Variants in TNFRSF1A observed in about 807,000 individuals in gnomAD.
The protein encoded by TNFRSF1A is tumor necrosis factor receptor superfamily member 1A.
TNFRSF1A carries 9 observed loss-of-function variants against 41.6 expected under a neutral mutation model. The observed-to-expected ratio is 0.22, with a 90% confidence interval of 0.13 to 0.38. The LOEUF (loss-of-function observed/expected upper bound fraction) is 0.38. TNFRSF1A is among the 10% of genes least tolerant of loss of function. TNFRSF1A has a pLI of 1.00. For synonymous variants in TNFRSF1A, 254 were observed against 248.6 expected (o/e 1.02, Z -0.21); for missense variants, 463 against 591.5 (o/e 0.78, Z 2.25).
At position 6,341,829 on chromosome 12, in the gene TNFRSF1A, G is replaced by A; in HGVS notation, c.-15C>T. The stretch of plus-strand genomic sequence containing the variant: ...GAGAGGCCCATGCCAGACAGCTATG[G>A]CCTCTCACTCCCCCATTTGGGCTCA... On this transcript the variant is annotated 5_prime_UTR_variant, in exon 1 of 10. Transcript: ENST00000162749. This position sits in a 1 kb window ranked among gnomAD's most constrained non-coding sequence, Gnocchi z 4.6. 1.2e-6 allele frequency: 2 copies of A among 1,614,118 alleles called. 1 individual carries two copies. Among genetic ancestry groups the A allele is most frequent in the South Asian group, 2.2e-5 (2 of 91,086 alleles).
At chr12:6,331,341 A>G (rs927861416) in intron 5 of TNFRSF1A, 5 of 304,916 alleles carry the variant, frequency 1.6e-5, no homozygotes, top group Admixed American at 9.2e-5. Context: ...GCTAGCTGTT[A>G]TGGGATTGTT....
Position 6,334,510 on chromosome 12 carries a change from ATTT to A in TNFRSF1A, c.40-269_40-267del. 7.0e-6 allele frequency among the ~76,000 whole-genome samples: 1 copy of A among 143,304 alleles called. No individual in the cohort carries two copies. The highest frequency in any genetic ancestry group is 2.6e-5 in the African/African-American group (1 of 39,144). 94.0% of individuals were successfully genotyped at this position (143,304 alleles called of 152,430 possible). On this transcript the variant is annotated intron_variant, in intron 1 of 9. Transcript: ENST00000162749. The surrounding 1 kb of genome is among the most constrained non-coding windows in gnomAD (Gnocchi z 5.1). ...CTAGTAGGCCCCAGATCTAAGCTGT[ATTT>A]TTTTTTTTTTAGGCAGGATCTTGCT... is the stretch of plus-strand genomic sequence containing the variant.
rs1246512040 is a variant in TNFRSF1A at position 6,333,788 on chromosome 12, C to T, written c.271G>A (p.Ala91Thr). The T allele has an allele frequency of 6.3e-7, 1 of 1,581,564 alleles. No individual in the cohort carries two copies. The highest frequency in any genetic ancestry group is 1.1e-5 in the South Asian group (1 of 87,264). ...CRECESGSFT[A>T]SENHLRHCLS... is the part of the protein sequence containing the mutation. ...CAGTGTCTGAGGTGGTTTTCTGAAG[C>T]GGTGAAGGAGCCGCTCTCACACTCC... Residue 91 changes from alanine (A) to threonine (T), a missense_variant, in exon 3 of 10, where the codon GCT becomes ACT. Around this residue, in one of 4 missense-constraint regions of TNFRSF1A, gnomAD observed 149 missense variants for 239.4 expected, o/e 0.62. Coordinates refer to ENST00000162749, the MANE Select transcript of TNFRSF1A (RefSeq NM_001065.4). The surrounding 1 kb of genome is among the most constrained non-coding windows in gnomAD (Gnocchi z 6.3).
At chr12:6,339,337 C>T (rs887689555) in intron 1 of TNFRSF1A, among the ~76,000 whole-genome samples, 2 of 152,192 alleles carry the variant, frequency 1.3e-5, no homozygotes, top group African/African-American at 4.8e-5. Flanking sequence ...TCCTTAATTC[C>T]TTCAGCAAAT....
rs921681825 is a variant in TNFRSF1A at position 6,341,664 on chromosome 12, C to T, written c.39+112G>A. The stretch of plus-strand genomic sequence containing the variant: ...TTAGGACCTGCAGGCCTGAGGCTGG[C>T]GCCAGGACCAGGCCCGGGCAGGAGA... On this transcript the variant is annotated intron_variant, in intron 1 of 9. Coordinates refer to ENST00000162749, the MANE Select transcript of TNFRSF1A (RefSeq NM_001065.4). This position sits in a 1 kb window ranked among gnomAD's most constrained non-coding sequence, Gnocchi z 4.6. 13 of 1,283,526 alleles carry T rather than the reference C, an allele frequency of 1.0e-5. No homozygotes were observed. Among genetic ancestry groups the T allele is most frequent in the East Asian group, 4.8e-5 (2 of 41,334 alleles). The allele number at this position is 1,283,526 out of a possible 1,614,324, so 79.5% of individuals were successfully genotyped here. A position where few individuals can be genotyped will look rare whatever the true frequency, so the allele number is the denominator to read the frequency against.
At position 6,333,670 on chromosome 12, in the gene TNFRSF1A, C is replaced by G. The variant is rs1319663079; in HGVS notation, c.322+67G>C. 3.2e-6 allele frequency: 5 copies of G among 1,561,818 alleles called. No individual in the cohort carries two copies. The highest frequency in any genetic ancestry group is 4.3e-6 in the Non-Finnish European group (5 of 1,152,448). ...CACCTTCCTGCCCACACCCACCAGC[C>G]TGCACATAGACAGGCACCCACACAC... On this transcript the variant is annotated intron_variant, in intron 3 of 9. Transcript: ENST00000162749. The surrounding 1 kb of genome is among the most constrained non-coding windows in gnomAD (Gnocchi z 6.3).
rs1948141017 is a variant in TNFRSF1A, at chr12:6,337,897, C to T, written c.40-3653G>A. On this transcript the variant is annotated intron_variant, in intron 1 of 9. Transcript: ENST00000162749. This position sits in a 1 kb window ranked among gnomAD's most constrained non-coding sequence, Gnocchi z 4.6. ...CTGATCGATCTAATGATACATCTGTCTTCCACTCTAGTAGAAGCCAGTGAT... is the reference window on the plus strand; with the variant it reads ...CTGATCGATCTAATGATACATCTGTTTTCCACTCTAGTAGAAGCCAGTGAT... Among the ~76,000 whole-genome samples, 1 of 152,140 alleles carries T rather than the reference C, an allele frequency of 6.6e-6. No homozygotes were observed. The highest frequency in any genetic ancestry group is 6.5e-5 in the Admixed American group (1 of 15,284).
In TNFRSF1A at chr12:6,341,906, G is replaced by A; in HGVS notation, c.-92C>T. 6.9e-7 allele frequency: 1 copy of A among 1,451,902 alleles called. No individual in the cohort carries two copies. The highest frequency in any genetic ancestry group is 9.6e-7 in the Non-Finnish European group (1 of 1,036,714). The allele number at this position is 1,451,902 out of a possible 1,614,324, so 89.9% of individuals were successfully genotyped here. A position where few individuals can be genotyped will look rare whatever the true frequency, so the allele number is the denominator to read the frequency against. On this transcript the variant is annotated 5_prime_UTR_variant, in exon 1 of 10. Transcript: ENST00000162749. This position sits in a 1 kb window ranked among gnomAD's most constrained non-coding sequence, Gnocchi z 4.6. ...GGCTTCCCGGGACTCGGTCTGTCCA[G>A]GACGTCCCAAGTGCCTTGGGGTGAC...
Position 6,331,009 on chromosome 12 carries a change from C to A in TNFRSF1A, c.552-83G>T. 4 of 1,164,510 alleles carry A rather than the reference C, an allele frequency of 3.4e-6. No homozygotes were observed. The South Asian group carries it at 3.8e-5, about 11-fold the overall frequency. 72.1% of individuals were successfully genotyped at this position (1,164,510 alleles called of 1,614,324 possible). A position where few individuals can be genotyped will look rare whatever the true frequency, so the allele number is the denominator to read the frequency against. On this transcript the variant is annotated intron_variant, in intron 5 of 9. Transcript: ENST00000162749. ...AACAACCACACAGATTGTTGGACAT[C>A]CTTTCTTTACAAATATTTTTGCTGT...
At chr12:6,340,260 A>G (rs917575442) in intron 1 of TNFRSF1A, among the ~76,000 whole-genome samples, 12 of 152,202 alleles carry the variant, frequency 7.9e-5, no homozygotes, top group African/African-American at 2.9e-4. Flanking sequence ...TCAAATGAAC[A>G]CTTAACATGT....
chr12:6,341,710 A>T lies in TNFRSF1A; in HGVS notation c.39+66T>A. 6.3e-7 allele frequency: 1 copy of T among 1,576,062 alleles called. No homozygotes were observed. The highest frequency in any genetic ancestry group is 8.7e-7 in the Non-Finnish European group (1 of 1,151,136). On this transcript the variant is annotated intron_variant, in intron 1 of 9. Coordinates refer to ENST00000162749, the MANE Select transcript of TNFRSF1A (RefSeq NM_001065.4). The surrounding 1 kb of genome is among the most constrained non-coding windows in gnomAD (Gnocchi z 4.6). ...GGAGAGGCTCGGCCCCCTCCCGGAG[A>T]GGGCCCACGCCAGCCGGAAGGTGCC...
In TNFRSF1A at chr12:6,332,000, CAAAAA is replaced by C. The variant is rs750532640; in HGVS notation, c.551+1064_551+1068del. 391 of 78,570 alleles carry C rather than the reference CAAAAA, an allele frequency of 5.0e-3. No homozygotes were observed. The highest frequency in any genetic ancestry group is 8.7e-3 in the South Asian group (79 of 9,064). 4.9% of individuals were successfully genotyped at this position (78,570 alleles called of 1,614,324 possible). A position where few individuals can be genotyped will look rare whatever the true frequency, so the allele number is the denominator to read the frequency against. ...TGGGCGACAGAGCAGGACTCTGTGT[CAAAAA>C]AAAAAAAAAAAAAAAAAAAGAAGAT... On this transcript the variant is annotated intron_variant, in intron 5 of 9. Transcript: ENST00000162749.
intron 5 of TNFRSF1A, chr12:6,332,020 A>G: frequency 3.3e-6 from 1 of 301,728 alleles, no homozygotes; most frequent in Non-Finnish European, 6.4e-6. Flanking sequence ...AAAAAAAAAA[A>G]AAAAGAAGAT....
In TNFRSF1A at chr12:6,341,665, G is replaced by A. The variant is rs935773640; in HGVS notation, c.39+111C>T. 18 of 1,311,166 alleles carry A rather than the reference G, an allele frequency of 1.4e-5. No individual in the cohort carries two copies. The highest frequency in any genetic ancestry group is 2.9e-5 in the African/African-American group (2 of 69,040). 81.2% of individuals were successfully genotyped at this position (1,311,166 alleles called of 1,614,324 possible). On this transcript the variant is annotated intron_variant, in intron 1 of 9. Transcript: ENST00000162749. The surrounding 1 kb of genome is among the most constrained non-coding windows in gnomAD (Gnocchi z 4.6). ...TAGGACCTGCAGGCCTGAGGCTGGC[G>A]CCAGGACCAGGCCCGGGCAGGAGAG...
At position 6,337,091 on chromosome 12, in the gene TNFRSF1A, G is replaced by A. The variant is rs144715781; in HGVS notation, c.40-2847C>T. 1.4e-3 allele frequency among the ~76,000 whole-genome samples: 212 copies of A among 152,292 alleles called. 1 individual carries two copies. The highest frequency in any genetic ancestry group is 5.0e-3 in the African/African-American group (206 of 41,560). On this transcript the variant is annotated intron_variant, in intron 1 of 9. Transcript: ENST00000162749. This position sits in a 1 kb window ranked among gnomAD's most constrained non-coding sequence, Gnocchi z 4.6. ...TGGAAGAACCAGCCCTGCTTCCTAG[G>A]CTTCCCCTGGCCCCCAGAATGCTCC...
In TNFRSF1A at chr12:6,333,331, G is replaced by T. The variant is rs1233348186; in HGVS notation, c.472+36C>A. ...TGGGGAAGGGGCCAACCCCTGGGGTGGGGAGAGGGCTTGGCCTCAGGAGAG... is the reference window on the plus strand; with the variant it reads ...TGGGGAAGGGGCCAACCCCTGGGGTTGGGAGAGGGCTTGGCCTCAGGAGAG... On this transcript the variant is annotated intron_variant, in intron 4 of 9. Coordinates refer to ENST00000162749, the MANE Select transcript of TNFRSF1A (RefSeq NM_001065.4). The surrounding 1 kb of genome is among the most constrained non-coding windows in gnomAD (Gnocchi z 6.3). 1 of 1,607,928 alleles carries T rather than the reference G, an allele frequency of 6.2e-7. No homozygotes were observed. Among genetic ancestry groups the T allele is most frequent in the Non-Finnish European group, 8.5e-7 (1 of 1,177,142 alleles).
chr12:6,335,765 C>T lies in TNFRSF1A; in HGVS notation c.40-1521G>A, dbSNP rs1948112419. Among the ~76,000 whole-genome samples, 3 of 152,200 alleles carry T rather than the reference C, an allele frequency of 2.0e-5. No homozygotes were observed. In the South Asian group the frequency reaches 6.2e-4, roughly 32 times the overall value. ...CACAGCCACCCAGCCTCACCAACTC[C>T]ACATTTCGGAGCAGGAGGCCAGTCA... On this transcript the variant is annotated intron_variant, in intron 1 of 9. Coordinates refer to ENST00000162749, the MANE Select transcript of TNFRSF1A (RefSeq NM_001065.4).
intron 5 of TNFRSF1A, among the ~76,000 whole-genome samples, chr12:6,332,709 G>A (rs1344128349): frequency 6.6e-6 from 1 of 152,126 alleles, no homozygotes; most frequent in Non-Finnish European, 1.5e-5. Context: ...CTACCCAGAC[G>A]CAAACAGAGC....
rs1478259044 is a variant in TNFRSF1A at position 6,337,125 on chromosome 12, CCTCTCTGA to C, written c.40-2889_40-2882del. ...GGCCCCCAGAATGCTCCAGGTCAGC[CCTCTCTGA>C]TCCCTAGGAGCCAGGGCCCTCAGAC... On this transcript the variant is annotated intron_variant, in intron 1 of 9. Transcript: ENST00000162749. The surrounding 1 kb of genome is among the most constrained non-coding windows in gnomAD (Gnocchi z 4.6). Among the ~76,000 whole-genome samples the C allele has an allele frequency of 6.6e-6, 1 of 152,222 alleles. No individual in the cohort carries two copies. Among genetic ancestry groups the C allele is most frequent in the Non-Finnish European group, 1.5e-5 (1 of 68,036 alleles).
Sources: allele counts gnomAD v4.1 joint callset (sites outside exome capture counted in the v4.1 genomes callset), GRCh38; gene constraint gnomAD v4.1.1; regional missense constraint gnomAD v4.1.1; non-coding constraint Gnocchi (gnomAD v3.1); transcripts MANE v1.5; gene names NCBI Gene and HGNC (gene_info 2026-07-23, HGNC 2026-07-21).